GRID1: variants seen among roughly 807,000 people sequenced by gnomAD.
GRID1 encodes glutamate receptor ionotropic, delta-1.
In GRID1, 28 loss-of-function variants were observed where a neutral mutation model predicts 98.0. That is an observed-to-expected ratio of 0.29 (90% CI 0.21 to 0.39). The LOEUF (loss-of-function observed/expected upper bound fraction) is 0.39, where lower values mean the gene tolerates loss of function less well. GRID1 is among the 10% of genes least tolerant of loss of function. GRID1 has a pLI of 1.00. For missense variants in GRID1, 1,111 were observed against 1,340.5 expected (o/e 0.83, Z 2.67); for synonymous variants, 553 against 538.5 (o/e 1.03, Z -0.37).
chr10:86,321,988 C>T (rs1160711140), intron 2 of GRID1, among the ~76,000 whole-genome samples: 2 of 151,918 alleles, frequency 1.3e-5, no homozygotes, highest in Admixed American at 6.6e-5. Context: ...GCTAAACGAA[C>T]GCACCCCTGA....
At chr10:86,059,483 T>C (rs2131911998) in intron 4 of GRID1, among the ~76,000 whole-genome samples, 1 of 152,388 alleles carries the variant, frequency 6.6e-6, no homozygotes, top group African/African-American at 2.4e-5. Flanking sequence ...TGCTACTCTC[T>C]GTGACCAAGC....
chr10:85,671,709 T>C (rs897007417), intron 12 of GRID1, among the ~76,000 whole-genome samples: 4 of 152,236 alleles, frequency 2.6e-5, no homozygotes, highest in African/African-American at 4.8e-5. Flanking sequence ...GAGGAAGGGA[T>C]GTTGAAAGCC....
At chr10:86,243,017 G>T (rs146285654) in intron 2 of GRID1, among the ~76,000 whole-genome samples, 1 of 152,084 alleles carries the variant, frequency 6.6e-6, no homozygotes, top group Non-Finnish European at 1.5e-5. Context: ...CAGCTTCCTC[G>T]CCTGTAAAAC....
At chr10:86,155,186 G>A (rs953581745) in intron 3 of GRID1, among the ~76,000 whole-genome samples, 1 of 152,188 alleles carries the variant, frequency 6.6e-6, no homozygotes, top group Non-Finnish European at 1.5e-5. Context: ...CAGCACCACG[G>A]GCTGTATGGC....
At chr10:85,887,522 C>A (rs1052969311) in intron 5 of GRID1, among the ~76,000 whole-genome samples, 6 of 152,120 alleles carry the variant, frequency 3.9e-5, no homozygotes, top group African/African-American at 1.2e-4. Flanking sequence ...GTCTCAGGCC[C>A]CACCCTAAAC....
chr10:86,072,999 A>G (rs1372386556), intron 4 of GRID1, among the ~76,000 whole-genome samples: 1 of 152,250 alleles, frequency 6.6e-6, no homozygotes, highest in East Asian at 1.9e-4. Flanking sequence ...ATTCTCATCC[A>G]GATGTGTGGC....
At chr10:85,661,632 G>C (rs910286189) in intron 12 of GRID1, among the ~76,000 whole-genome samples, 1 of 152,142 alleles carries the variant, frequency 6.6e-6, no homozygotes, top group Admixed American at 6.5e-5. Context: ...GTCACACCAA[G>C]GCTACAGCCA....
chr10:85,670,801 A>C lies in GRID1; in HGVS notation c.1998-23404T>G, dbSNP rs1408760097. On this transcript the variant is annotated intron_variant, in intron 12 of 15. Transcript: ENST00000327946. ...ACTTGACAATGCTTGACCATGGTTCACCTCTTCATTTTCATTGCTTATTGC... is the reference window on the plus strand; with the variant it reads ...ACTTGACAATGCTTGACCATGGTTCCCCTCTTCATTTTCATTGCTTATTGC... Among the ~76,000 whole-genome samples the C allele has an allele frequency of 3.3e-5, 5 of 151,780 alleles. No homozygotes were observed. In the South Asian group the frequency reaches 1.0e-3, roughly 32 times the overall value.
At chr10:86,123,656 T>C (rs916253306) in intron 4 of GRID1, among the ~76,000 whole-genome samples, 1 of 152,218 alleles carries the variant, frequency 6.6e-6, no homozygotes, top group Non-Finnish European at 1.5e-5. Context: ...GGGTTTGTTA[T>C]TGCTGTTGCT....
chr10:85,950,990 C>G (rs1035841722), intron 4 of GRID1, among the ~76,000 whole-genome samples: 4 of 151,828 alleles, frequency 2.6e-5, no homozygotes, highest in African/African-American at 9.7e-5. Context: ...TGTCTGGCAT[C>G]CCCATTCCAT....
intron 4 of GRID1, among the ~76,000 whole-genome samples, chr10:85,968,733 G>A (rs4934138): frequency 0.011 from 1,749 of 152,120 alleles, 21 homozygotes; most frequent in South Asian, 0.036. Flanking sequence ...GAATTAAAAT[G>A]TTACATTAGA....
chr10:85,964,592 CA>C (rs1842313131), intron 4 of GRID1, among the ~76,000 whole-genome samples: 1 of 152,062 alleles, frequency 6.6e-6, no homozygotes, highest in Non-Finnish European at 1.5e-5. Flanking sequence ...AGCCATATGC[CA>C]AAAGCTGAAA....
intron 13 of GRID1, among the ~76,000 whole-genome samples, chr10:85,636,853 T>C (rs1239765097): frequency 6.6e-6 from 1 of 152,234 alleles, no homozygotes; most frequent in East Asian, 1.9e-4. Flanking sequence ...TTTAAATGTT[T>C]ATATCCTTTT....
intron 2 of GRID1, among the ~76,000 whole-genome samples, chr10:86,361,906 T>A (rs962254709): frequency 6.6e-6 from 1 of 152,234 alleles, no homozygotes; most frequent in Non-Finnish European, 1.5e-5. Flanking sequence ...GCCCGGTTCA[T>A]CCTTGTGTGT....
At chr10:86,137,515 T>C (rs17106311) in intron 4 of GRID1, among the ~76,000 whole-genome samples, 36,428 of 152,140 alleles carry the variant, frequency 0.24, 4,980 homozygotes, top group African/African-American at 0.37. Flanking sequence ...GATTAGTCGA[T>C]ACCATCACCA....
chr10:86,245,259 G>A (rs1361540295), intron 2 of GRID1, among the ~76,000 whole-genome samples: 1 of 152,184 alleles, frequency 6.6e-6, no homozygotes, highest in Non-Finnish European at 1.5e-5. Context: ...TCCCAGAGTT[G>A]GCACAGAAAC....
At chr10:86,255,602 C>T (rs946336822) in intron 2 of GRID1, among the ~76,000 whole-genome samples, 39 of 152,326 alleles carry the variant, frequency 2.6e-4, no homozygotes, top group African/African-American at 9.1e-4. Context: ...AGCTCTCTTG[C>T]CCGGTGCCCA....
chr10:86,121,197 C>A (rs944519156), intron 4 of GRID1, among the ~76,000 whole-genome samples: 4 of 151,996 alleles, frequency 2.6e-5, no homozygotes, highest in Non-Finnish European at 5.9e-5. Context: ...CCTCCTGGGC[C>A]TCCACCTGTC....
At chr10:85,640,575 AG>A (rs1843104633) in intron 13 of GRID1, among the ~76,000 whole-genome samples, 2 of 152,302 alleles carry the variant, frequency 1.3e-5, no homozygotes, top group South Asian at 4.1e-4. Flanking sequence ...GCCACATATG[AG>A]GCCAACTTCC....
Sources: gnomAD v4.1 joint callset for allele counts (sites outside exome capture counted in the v4.1 genomes callset) on GRCh38, gnomAD v4.1.1 for gene constraint, MANE v1.5 for transcripts, NCBI Gene and HGNC (gene_info 2026-07-23, HGNC 2026-07-21) for gene names.